GDI2: variants seen among roughly 807,000 people sequenced by gnomAD.
GDI2 encodes the protein rab GDP dissociation inhibitor beta.
A neutral mutation model predicts 54.2 loss-of-function variants in GDI2; 22 were observed. The observed-to-expected ratio is 0.41, with a 90% confidence interval of 0.29 to 0.58. The LOEUF is 0.58. Among genes scored for constraint, GDI2 ranks in the 20% least tolerant of loss-of-function variants. GDI2 has a pLI of 0.35. For missense variants in GDI2, 422 were observed against 546.0 expected (o/e 0.77, Z 2.26); for synonymous variants, 177 against 182.1 (o/e 0.97, Z 0.23).
chr10:5,788,490 T>C (rs949575569), intron 4 of GDI2, among the ~76,000 whole-genome samples: 1 of 152,194 alleles, frequency 6.6e-6, no homozygotes, highest in African/African-American at 2.4e-5. Flanking sequence ...ACTTTTTATG[T>C]AGATCAGAGG....
chr10:5,765,500 A>C lies in GDI2; in HGVS notation c.*506T>G, dbSNP rs547204551. On this transcript the variant is annotated 3_prime_UTR_variant, in exon 11 of 11. Coordinates refer to ENST00000380191, the MANE Select transcript of GDI2 (RefSeq NM_001494.4). Reference sequence around the variant, plus strand: ...TTGGTTAGAATTTTATGCCCACATAAACCAAACTTGTGGCTATGCTATTTG... The same window carrying C: ...TTGGTTAGAATTTTATGCCCACATACACCAAACTTGTGGCTATGCTATTTG... The C allele has an allele frequency of 6.5e-6, 1 of 152,744 alleles. No individual in the cohort carries two copies. The highest frequency in any genetic ancestry group is 2.1e-4 in the South Asian group (1 of 4,824). The allele number at this position is 152,744 out of a possible 1,614,324, so 9.5% of individuals were successfully genotyped here.
At position 5,768,881 on chromosome 10, in the gene GDI2, G is replaced by A. The variant is rs561857792; in HGVS notation, c.820-497C>T. ...ACTATAAAACTCTTAGGAGAAAACA[G>A]TGCAAAAGCTTCATGACATTGGAGT... On this transcript the variant is annotated intron_variant, in intron 7 of 10. Transcript: ENST00000380191. This position sits in a 1 kb window ranked among gnomAD's most constrained non-coding sequence, Gnocchi z 4.4. 6.6e-6 allele frequency: 1 copy of A among 152,500 alleles called. No individual in the cohort carries two copies. Among genetic ancestry groups the A allele is most frequent in the Non-Finnish European group, 1.5e-5 (1 of 68,202 alleles). The allele number at this position is 152,500 out of a possible 1,614,324, so 9.4% of individuals were successfully genotyped here. A position where few individuals can be genotyped will look rare whatever the true frequency, so the allele number is the denominator to read the frequency against.
At position 5,773,883 on chromosome 10, in the gene GDI2, C is replaced by A; in HGVS notation, c.778G>T (p.Val260Leu). The A allele has an allele frequency of 1.3e-6, 2 of 1,557,854 alleles. No individual in the cohort carries two copies. The highest frequency in any genetic ancestry group is 1.4e-5 in the African/African-American group (1 of 73,860). ...MLNKPIEEII[V>L]QNGKVIGVKS... ...ACACCAATTACTTTTCCATTCTGTACAATGATTTCTTCAATGGGTTTATTC... is the reference window on the plus strand; with the variant it reads ...ACACCAATTACTTTTCCATTCTGTAAAATGATTTCTTCAATGGGTTTATTC... Residue 260 changes from valine (V) to leucine (L), a missense_variant, in exon 7 of 11, where the codon GTA becomes TTA. Transcript: ENST00000380191.
chr10:5,776,118 CA>C lies in GDI2; in HGVS notation c.720-2178del, dbSNP rs1455745859. 8.0e-6 allele frequency: 2 copies of C among 250,232 alleles called. No individual in the cohort carries two copies. Among genetic ancestry groups the C allele is most frequent in the African/African-American group, 4.7e-5 (2 of 42,836 alleles). 15.5% of individuals were successfully genotyped at this position (250,232 alleles called of 1,614,324 possible). ...CAGAGCAGATGAACAGACCATTTAT[CA>C]GCAACTACAAAGAAGCTATTTCTTG... On this transcript the variant is annotated intron_variant, in intron 6 of 10. Coordinates refer to ENST00000380191, the MANE Select transcript of GDI2 (RefSeq NM_001494.4). This position sits in a 1 kb window ranked among gnomAD's most constrained non-coding sequence, Gnocchi z 5.3.
intron 1 of GDI2, among the ~76,000 whole-genome samples, chr10:5,801,202 C>T (rs567218285): frequency 2.6e-5 from 4 of 152,228 alleles, no homozygotes; most frequent in Admixed American, 6.5e-5. Flanking sequence ...ATCCTCCCGC[C>T]TCAGCCTCCC....
At chr10:5,804,586 C>T (rs1183235978) in intron 1 of GDI2, among the ~76,000 whole-genome samples, 1 of 152,156 alleles carries the variant, frequency 6.6e-6, no homozygotes, top group Non-Finnish European at 1.5e-5. Context: ...TGACATTATG[C>T]AACACGTTTT....
chr10:5,805,422 C>T (rs1275483282), intron 1 of GDI2, among the ~76,000 whole-genome samples: 1 of 151,708 alleles, frequency 6.6e-6, no homozygotes, highest in African/African-American at 2.4e-5. Context: ...CACTCCGTTG[C>T]CCAGCCTGGA....
chr10:5,799,455 C>G (rs949307565), intron 2 of GDI2, among the ~76,000 whole-genome samples: 3 of 151,962 alleles, frequency 2.0e-5, no homozygotes, highest in Non-Finnish European at 4.4e-5. Context: ...GGTTCCAGAC[C>G]AGCCTGGCCA....
Position 5,780,370 on chromosome 10 carries a change from C to A in GDI2, c.719+4772G>T, listed in dbSNP as rs1007038771. On this transcript the variant is annotated intron_variant, in intron 6 of 10. Transcript: ENST00000380191. ...ATTCCCCGTAAAACTGGGAACAAAGCAAGGACGTCCATTCTCATCCCTGCG... is the reference window on the plus strand; with the variant it reads ...ATTCCCCGTAAAACTGGGAACAAAGAAAGGACGTCCATTCTCATCCCTGCG... Among the ~76,000 whole-genome samples the A allele has an allele frequency of 4.7e-5, 7 of 149,874 alleles. 1 individual carries two copies. The South Asian group carries it at 8.4e-4, about 18-fold the overall frequency.
At chr10:5,793,970 C>G (rs1325125593) in intron 4 of GDI2, among the ~76,000 whole-genome samples, 1 of 151,360 alleles carries the variant, frequency 6.6e-6, no homozygotes, top group East Asian at 1.9e-4. Flanking sequence ...TCAAGACCAG[C>G]CTGGCCAACA....
In GDI2 at chr10:5,796,827, G is replaced by A. The variant is rs779655851; in HGVS notation, c.189C>T (p.Pro63=). 6.3e-6 allele frequency: 10 copies of A among 1,587,606 alleles called. No homozygotes were observed. The highest frequency in any genetic ancestry group is 6.9e-6 in the Non-Finnish European group (8 of 1,156,632). The change falls in exon 3 of 11, where the codon CCC becomes CCT. Residue 63 remains proline, a synonymous_variant. Coordinates refer to ENST00000380191, the MANE Select transcript of GDI2 (RefSeq NM_001494.4). ...AGTCTCTTCCTCTCCCCATTGACTCGGGTGGTGATCCTGGTATTTTAAATC... is the reference window on the plus strand; with the variant it reads ...AGTCTCTTCCTCTCCCCATTGACTCAGGTGGTGATCCTGGTATTTTAAATC... The part of the protein sequence containing the change: ...YKRFKIPGSP[P]ESMGRGRDWN...
At chr10:5,788,372 C>T (rs1043621453) in intron 4 of GDI2, among the ~76,000 whole-genome samples, 3 of 152,088 alleles carry the variant, frequency 2.0e-5, no homozygotes, top group Non-Finnish European at 4.4e-5. Context: ...TTATTTAAAG[C>T]GTCCTTCTCA....
chr10:5,773,369 AT>A (rs910070208), intron 7 of GDI2, among the ~76,000 whole-genome samples: 71 of 150,606 alleles, frequency 4.7e-4, no homozygotes, highest in African/African-American at 9.7e-4. Flanking sequence ...TTTCCTTGTG[AT>A]TTTTTTTTTC....
chr10:5,793,241 T>C (rs1239819549), intron 4 of GDI2, among the ~76,000 whole-genome samples: 2 of 152,112 alleles, frequency 1.3e-5, no homozygotes, highest in African/African-American at 2.4e-5. Context: ...TCAATCCTCC[T>C]ACCACGGCTT....
In GDI2 at chr10:5,774,845, C is replaced by G. The variant is rs1840582456; in HGVS notation, c.720-904G>C. On this transcript the variant is annotated intron_variant, in intron 6 of 10. Transcript: ENST00000380191. This position sits in a 1 kb window ranked among gnomAD's most constrained non-coding sequence, Gnocchi z 4.8. ...TGGCCTTGTGCAGTCGCGGGACTAT[C>G]CACATCAGAGGCAAATCTGCCATTT... Among the ~76,000 whole-genome samples the G allele has an allele frequency of 6.6e-6, 1 of 152,146 alleles. No individual in the cohort carries two copies.
intron 4 of GDI2, among the ~76,000 whole-genome samples, chr10:5,793,000 T>TA (rs980989387): frequency 2.0e-5 from 3 of 150,954 alleles, no homozygotes; most frequent in Non-Finnish European, 3.0e-5. Flanking sequence ...TATTTTTATC[T>TA]AAAAAAAATT....
At chr10:5,807,426 G>A (rs1400259861) in intron 1 of GDI2, among the ~76,000 whole-genome samples, 3 of 152,126 alleles carry the variant, frequency 2.0e-5, no homozygotes, top group South Asian at 2.1e-4. Context: ...CTTTAACCAC[G>A]AAACTTGTAT....
rs1168967395 is a variant in GDI2 at position 5,772,087 on chromosome 10, A to AC, written c.819+1754dup. On this transcript the variant is annotated intron_variant, in intron 7 of 10. Transcript: ENST00000380191. The stretch of plus-strand genomic sequence containing the variant: ...CTGGTGACTGAGAAGAAAAAAAAAA[A>AC]CACACCATTTATCTCTATCTCCTAA... 4.6e-5 allele frequency among the ~76,000 whole-genome samples: 7 copies of AC among 151,572 alleles called. No homozygotes were observed. In the East Asian group the frequency reaches 1.2e-3, roughly 26 times the overall value.
At chr10:5,775,721 G>C (rs1166110756) in intron 6 of GDI2, among the ~76,000 whole-genome samples, 1 of 152,188 alleles carries the variant, frequency 6.6e-6, no homozygotes, top group East Asian at 1.9e-4. Flanking sequence ...TATAGAGGAA[G>C]GACAGAAGAA....
Sources: allele counts gnomAD v4.1 joint callset (sites outside exome capture counted in the v4.1 genomes callset), GRCh38; gene constraint gnomAD v4.1.1; non-coding constraint Gnocchi (gnomAD v3.1); transcripts MANE v1.5; gene names NCBI Gene and HGNC (gene_info 2026-07-23, HGNC 2026-07-21).